Variants in GTF2F2 observed in about 807,000 individuals in gnomAD.
GTF2F2 encodes the protein general transcription factor IIF subunit 2, also known as ATP-dependent helicase GTF2F2.
Under a neutral mutation model 42.2 loss-of-function variants are expected in GTF2F2, and 23 were observed. The observed-to-expected ratio is 0.55, with a 90% CI of 0.39 to 0.77. The LOEUF (loss-of-function observed/expected upper bound fraction) is 0.77. Ranked by LOEUF, GTF2F2 falls within the 30% of genes least tolerant of loss-of-function variation. The pLI, the probability that GTF2F2 is intolerant of heterozygous loss-of-function variation, is 0.00. For missense variants in GTF2F2, 261 were observed against 287.2 expected, an observed-to-expected ratio of 0.91 and a Z score of 0.66; for synonymous variants, 105 against 100.8, an observed-to-expected ratio of 1.04 and a Z score of -0.25.
intron 5 of GTF2F2, among the ~76,000 whole-genome samples, chr13:45,245,464 C>G (rs1030092828): frequency 1.3e-5 from 2 of 151,908 alleles, no homozygotes; most frequent in African/African-American, 2.4e-5. Flanking sequence ...CTTACCTCTC[C>G]CACCACCACA....
intron 6 of GTF2F2, among the ~76,000 whole-genome samples, chr13:45,261,467 A>C (rs1449529044): frequency 6.6e-6 from 1 of 151,484 alleles, no homozygotes; most frequent in Admixed American, 6.6e-5. Context: ...TTCTGTTGTG[A>C]AAATTAATTG....
chr13:45,139,942 C>T (rs1040375792), intron 2 of GTF2F2, among the ~76,000 whole-genome samples: 23 of 152,256 alleles, frequency 1.5e-4, no homozygotes, highest in Admixed American at 1.3e-3. Flanking sequence ...ACAGTATTTA[C>T]GTATAACCTA....
At chr13:45,270,467 G>A (rs1429692336) in intron 7 of GTF2F2, among the ~76,000 whole-genome samples, 2 of 152,110 alleles carry the variant, frequency 1.3e-5, no homozygotes, top group Non-Finnish European at 2.9e-5. Flanking sequence ...CGCTTAGTGA[G>A]GAGGCTGAGC....
chr13:45,236,899 C>T (rs949661588), intron 5 of GTF2F2, among the ~76,000 whole-genome samples: 5 of 151,850 alleles, frequency 3.3e-5, no homozygotes, highest in South Asian at 2.1e-4. Flanking sequence ...TTTAATATGA[C>T]GAGGAATATT....
At chr13:45,220,572 A>G (rs1228112155) in intron 5 of GTF2F2, among the ~76,000 whole-genome samples, 6 of 152,142 alleles carry the variant, frequency 3.9e-5, no homozygotes, top group African/African-American at 1.4e-4. Flanking sequence ...GCTCCCAGGC[A>G]GGAATGGCAC....
In GTF2F2 at chr13:45,120,685, C is replaced by G; in HGVS notation, c.30C>G (p.Thr10=). 1 of 1,561,580 alleles carries G rather than the reference C, an allele frequency of 6.4e-7. No individual in the cohort carries two copies. The highest frequency in any genetic ancestry group is 8.7e-7 in the Non-Finnish European group (1 of 1,151,908). MAERGELDL[T]GAKQNTGVWL... is the part of the protein sequence containing the mutation. ...CCGAGCGCGGGGAACTCGACTTGAC[C>G]GGCGCCAAACAGAACACAGGAGTGT... Residue 10 remains threonine, a synonymous_variant, in exon 1 of 8, where the codon ACC becomes ACG. Transcript: ENST00000340473.
intron 4 of GTF2F2, among the ~76,000 whole-genome samples, chr13:45,190,171 A>G (rs1380636870): frequency 6.6e-6 from 1 of 152,220 alleles, no homozygotes. Context: ...AAACAACCCC[A>G]TAAAAAAGTG....
At chr13:45,275,366 A>G (rs1168030599) in intron 7 of GTF2F2, among the ~76,000 whole-genome samples, 1 of 151,842 alleles carries the variant, frequency 6.6e-6, no homozygotes, top group Non-Finnish European at 1.5e-5. Flanking sequence ...GGTTTGTTAC[A>G]TATGTTTACA....
intron 4 of GTF2F2, chr13:45,194,488 C>G: frequency 6.2e-7 from 1 of 1,614,132 alleles, no homozygotes; most frequent in Non-Finnish European, 8.5e-7. Context: ...GCAGTTCTTT[C>G]CTTGATCAGT....
At chr13:45,225,292 G>T (rs1322465529) in intron 5 of GTF2F2, among the ~76,000 whole-genome samples, 1 of 152,046 alleles carries the variant, frequency 6.6e-6, no homozygotes, top group East Asian at 1.9e-4. Context: ...CGTTTCATCT[G>T]TAATTTAAAC....
intron 4 of GTF2F2, among the ~76,000 whole-genome samples, chr13:45,182,185 C>G (rs914521021): frequency 1.3e-5 from 2 of 152,138 alleles, no homozygotes; most frequent in South Asian, 4.1e-4. Flanking sequence ...CAGTCTCGCT[C>G]TGTTGCCCAG....
intron 4 of GTF2F2, among the ~76,000 whole-genome samples, chr13:45,191,229 A>G (rs1302093273): frequency 1.6e-5 from 2 of 122,906 alleles, no homozygotes; most frequent in East Asian, 2.1e-4. Context: ...AAAAAAATAT[A>G]TATATATATA....
intron 5 of GTF2F2, among the ~76,000 whole-genome samples, chr13:45,227,739 T>C (rs944806979): frequency 6.6e-5 from 10 of 152,220 alleles, no homozygotes; most frequent in Admixed American, 4.6e-4. Flanking sequence ...AAATGACATA[T>C]TGGGTTATTT....
chr13:45,179,141 C>G (rs1167341450), intron 4 of GTF2F2, among the ~76,000 whole-genome samples: 1 of 152,204 alleles, frequency 6.6e-6, no homozygotes, highest in Admixed American at 6.5e-5. Context: ...CAGCAAGTCA[C>G]AGGACCTGCT....
chr13:45,130,678 A>G (rs2138092536), intron 1 of GTF2F2, among the ~76,000 whole-genome samples: 1 of 152,292 alleles, frequency 6.6e-6, no homozygotes, highest in South Asian at 2.1e-4. Flanking sequence ...AATATTCAGG[A>G]TGACTCCAAG....
rs1442751534 is a variant in GTF2F2 at position 45,120,634 on chromosome 13, C to T, written c.-22C>T. The T allele has an allele frequency of 7.8e-6, 12 of 1,547,498 alleles. No individual in the cohort carries two copies. The highest frequency in any genetic ancestry group is 1.1e-5 in the Non-Finnish European group (12 of 1,142,798). On this transcript the variant is annotated 5_prime_UTR_variant, in exon 1 of 8. It adds an upstream start codon to the 5' untranslated region. Coordinates refer to ENST00000340473, the MANE Select transcript of GTF2F2 (RefSeq NM_004128.3). ...CCTGGGGTCGCTGCTGCATCCCGCA[C>T]GCCTCCACCGGCTGCAGACCCATGG...
chr13:45,243,576 C>A (rs1230111927), intron 5 of GTF2F2, among the ~76,000 whole-genome samples: 2 of 152,214 alleles, frequency 1.3e-5, no homozygotes, highest in East Asian at 3.9e-4. Flanking sequence ...GATTACTTTA[C>A]AATACCTAAC....
intron 6 of GTF2F2, among the ~76,000 whole-genome samples, chr13:45,266,902 C>T (rs1876583901): frequency 6.6e-6 from 1 of 152,162 alleles, no homozygotes; most frequent in Non-Finnish European, 1.5e-5. Flanking sequence ...TATCCCGACA[C>T]TTTGGGAGGC....
intron 1 of GTF2F2, among the ~76,000 whole-genome samples, chr13:45,126,137 T>C (rs952090613): frequency 6.6e-6 from 1 of 152,154 alleles, no homozygotes; most frequent in Non-Finnish European, 1.5e-5. Context: ...CTTCAGTGCT[T>C]TTAATTTTCT....
Sources: allele counts gnomAD v4.1 joint callset (sites outside exome capture counted in the v4.1 genomes callset), GRCh38; gene constraint gnomAD v4.1.1; transcripts MANE v1.5; gene names NCBI Gene and HGNC (gene_info 2026-07-23, HGNC 2026-07-21).